Variants in MKLN1 observed in about 807,000 individuals in gnomAD.
The protein encoded by MKLN1 is muskelin 1.
MKLN1 carries 18 observed loss-of-function variants against 99.0 expected under a neutral mutation model. The ratio of observed to expected loss-of-function variants is 0.18; its 90% CI spans 0.13 to 0.27. The LOEUF (loss-of-function observed/expected upper bound fraction) is 0.27. MKLN1 is among the 10% of genes least tolerant of loss of function. MKLN1 has a pLI of 1.00. For missense variants in MKLN1, 621 were observed against 875.9 expected (o/e 0.71, Z 3.67); for synonymous variants, 288 against 293.2 (o/e 0.98, Z 0.18).
chr7:131,444,772 T>TAGAAGAAGA (rs1795956579), intron 11 of MKLN1, among the ~76,000 whole-genome samples: 1 of 103,640 alleles, frequency 9.6e-6, no homozygotes, highest in Non-Finnish European at 2.0e-5. Flanking sequence ...GAAGTAGTAG[T>TAGAAGAAGA]AGTAGTAGTA....
chr7:131,291,583 TATA>T (rs1563281254), intron 3 of MKLN1, among the ~76,000 whole-genome samples: 17 of 5,804 alleles, frequency 2.9e-3, no homozygotes, highest in South Asian at 0.025. Context: ...TCATTTATTA[TATA>T]TATATATATA....
intron 3 of MKLN1, among the ~76,000 whole-genome samples, chr7:131,204,004 C>T (rs1212054431): frequency 6.6e-6 from 1 of 152,174 alleles, no homozygotes; most frequent in Admixed American, 6.5e-5. Context: ...AAGTCACTTA[C>T]CTAGGACCAA....
At chr7:131,218,094 A>T (rs1047447157) in intron 3 of MKLN1, among the ~76,000 whole-genome samples, 16 of 152,142 alleles carry the variant, frequency 1.1e-4, no homozygotes, top group Admixed American at 9.8e-4. Context: ...GGGGCTTGAA[A>T]GTGTTTTCTT....
chr7:131,352,308 T>TGGC (rs1799743960), intron 1 of MKLN1, among the ~76,000 whole-genome samples: 2 of 152,168 alleles, frequency 1.3e-5, no homozygotes, highest in East Asian at 3.8e-4. Context: ...AAAATGACTT[T>TGGC]ATATAACATG....
intron 7 of MKLN1, among the ~76,000 whole-genome samples, chr7:131,414,076 A>G (rs1261477639): frequency 6.6e-6 from 1 of 152,352 alleles, no homozygotes; most frequent in South Asian, 2.1e-4. Flanking sequence ...GCACAAAATT[A>G]ATACATTATA....
chr7:131,177,881 T>C (rs1796323019), intron 2 of MKLN1, among the ~76,000 whole-genome samples: 1 of 152,190 alleles, frequency 6.6e-6, no homozygotes, highest in African/African-American at 2.4e-5. Context: ...AGGTAGGAAG[T>C]CCAGGACTGG....
At chr7:131,157,093 T>C (rs1054712222) in intron 2 of MKLN1, among the ~76,000 whole-genome samples, 3 of 152,142 alleles carry the variant, frequency 2.0e-5, no homozygotes, top group Non-Finnish European at 2.9e-5. Context: ...GAGAAATTCT[T>C]ACATAGCCAG....
At chr7:131,327,244 T>C (rs1798911823), upstream of MKLN1, 1 of 152,248 alleles carries the variant, frequency 6.6e-6, no homozygotes, top group Non-Finnish European at 1.5e-5. Context: ...GTGAACGTCA[T>C]TCCCGAGCAA....
intron 9 of MKLN1, among the ~76,000 whole-genome samples, chr7:131,432,295 A>G (rs1348835883): frequency 6.6e-6 from 1 of 152,210 alleles, no homozygotes; most frequent in Non-Finnish European, 1.5e-5. Context: ...TTATTCTTCT[A>G]AAGCTTGGTA....
intron 1 of MKLN1, among the ~76,000 whole-genome samples, chr7:131,120,561 A>AAAAG (rs1554525153): frequency 1.3e-5 from 2 of 151,342 alleles, no homozygotes; most frequent in South Asian, 2.1e-4. Context: ...AAAAAAAAAA[A>AAAAG]AAAAGAAAAA....
chr7:131,453,424 T>TA (rs1267999554), intron 12 of MKLN1, among the ~76,000 whole-genome samples: 1 of 152,114 alleles, frequency 6.6e-6, no homozygotes, highest in Non-Finnish European at 1.5e-5. Flanking sequence ...AAGAATAGAT[T>TA]AAACAGTATA....
At position 131,491,872 on chromosome 7, in the gene MKLN1, A is replaced by T. The variant is rs1797432247; in HGVS notation, c.*4144A>T. On this transcript the variant is annotated 3_prime_UTR_variant, in exon 18 of 18. Transcript: ENST00000352689. ...ATTCTTCACTTTTTTTTAGCCCTAG[A>T]CTTCCTAGATTTTCTGTGGCATTCT... 1 of 152,306 alleles carries T rather than the reference A, an allele frequency of 6.6e-6. No homozygotes were observed. The highest frequency in any genetic ancestry group is 2.4e-5 in the African/African-American group (1 of 41,320). The allele number at this position is 152,306 out of a possible 1,614,324, so 9.4% of individuals were successfully genotyped here.
intron 3 of MKLN1, among the ~76,000 whole-genome samples, chr7:131,245,401 G>C (rs1474343639): frequency 2.6e-5 from 4 of 151,418 alleles, no homozygotes; most frequent in Admixed American, 6.6e-5. Flanking sequence ...CCGAGTAGCT[G>C]GGATTACAGG....
chr7:131,381,272 C>T (rs1312633178), intron 2 of MKLN1, among the ~76,000 whole-genome samples: 1 of 151,988 alleles, frequency 6.6e-6, no homozygotes, highest in Non-Finnish European at 1.5e-5. Flanking sequence ...TTTAACCAAC[C>T]CTAGAGAGTT....
chr7:131,297,413 C>CTCTGTG, intron 3 of MKLN1, among the ~76,000 whole-genome samples: 1 of 149,326 alleles, frequency 6.7e-6, no homozygotes, highest in South Asian at 2.1e-4. Context: ...CACAAATACT[C>CTCTGTG]TGTGTGTGTG....
At chr7:131,288,146 G>A (rs552030557) in intron 3 of MKLN1, among the ~76,000 whole-genome samples, 25 of 151,750 alleles carry the variant, frequency 1.6e-4, no homozygotes, top group African/African-American at 5.1e-4. Context: ...CACAGATTTC[G>A]TCCCCTGGGA....
At chr7:131,395,751 C>T (rs1399026080) in intron 4 of MKLN1, among the ~76,000 whole-genome samples, 2 of 151,020 alleles carry the variant, frequency 1.3e-5, no homozygotes, top group Non-Finnish European at 2.9e-5. Context: ...TACGTGGGAC[C>T]TCTGGAAAGA....
At chr7:131,303,124 A>G (rs543682559) in intron 3 of MKLN1, among the ~76,000 whole-genome samples, 1 of 152,336 alleles carries the variant, frequency 6.6e-6, no homozygotes, top group African/African-American at 2.4e-5. Flanking sequence ...ACTTATAAAG[A>G]GGAATTATTG....
intron 17 of MKLN1, 22 bp downstream of exon 17, chr7:131,478,699 A>T: frequency 6.2e-7 from 1 of 1,601,086 alleles, no homozygotes; most frequent in South Asian, 1.1e-5. Flanking sequence ...AGTATAATTT[A>T]TCCAGCTAGA....
Sources: gnomAD v4.1 joint callset for allele counts (sites outside exome capture counted in the v4.1 genomes callset) on GRCh38, gnomAD v4.1.1 for gene constraint, MANE v1.5 for transcripts, NCBI Gene and HGNC (gene_info 2026-07-23, HGNC 2026-07-21) for gene names.